MAGI2: variants seen among roughly 807,000 people sequenced by gnomAD.
The protein encoded by MAGI2 is membrane-associated guanylate kinase, WW and PDZ domain-containing protein 2.
Under a neutral mutation model 133.3 loss-of-function variants are expected in MAGI2, and 35 were observed. That is an observed-to-expected ratio of 0.26 (90% CI 0.20 to 0.35). MAGI2 has a LOEUF of 0.35. MAGI2 is among the 10% of genes least tolerant of loss of function. MAGI2 has a pLI of 1.00. For synonymous variants in MAGI2, 729 were observed against 710.6 expected (o/e 1.03, Z -0.41); for missense variants, 1,636 against 1,863.4 (o/e 0.88, Z 2.25).
At chr7:78,588,501 C>T (rs904514002) in intron 3 of MAGI2, among the ~76,000 whole-genome samples, 1 of 152,266 alleles carries the variant, frequency 6.6e-6, no homozygotes, top group Middle Eastern at 3.4e-3. Context: ...AGAAACCAGG[C>T]AACCTTCCGA....
At chr7:79,033,470 T>C (rs968658892) in intron 1 of MAGI2, among the ~76,000 whole-genome samples, 9 of 147,816 alleles carry the variant, frequency 6.1e-5, no homozygotes, top group Non-Finnish European at 1.3e-4. Context: ...TCTATGTCTG[T>C]GTAAGATGTG....
Position 78,824,540 on chromosome 7 carries a change from T to G in MAGI2, c.418+182550A>C, listed in dbSNP as rs182101044. On this transcript the variant is annotated intron_variant, in intron 2 of 21. Coordinates refer to ENST00000354212, the MANE Select transcript of MAGI2 (RefSeq NM_012301.4). Reference sequence around the variant, plus strand: ...CTCTGATGATCAGAGATGATGAGCTTTTTTTCATGTTTGTTGGCTGCATAA... The same window carrying G: ...CTCTGATGATCAGAGATGATGAGCTGTTTTTCATGTTTGTTGGCTGCATAA... Among the ~76,000 whole-genome samples, 24 of 152,358 alleles carry G rather than the reference T, an allele frequency of 1.6e-4. No homozygotes were observed. The East Asian group carries it at 4.6e-3, about 29-fold the overall frequency.
chr7:79,129,025 C>T (rs1562921798), intron 1 of MAGI2, among the ~76,000 whole-genome samples: 1 of 152,088 alleles, frequency 6.6e-6, no homozygotes, highest in Non-Finnish European at 1.5e-5. Flanking sequence ...CAGGCACCAC[C>T]ACGCTCAGCT....
At chr7:79,207,394 T>G (rs1829143797) in intron 1 of MAGI2, among the ~76,000 whole-genome samples, 1 of 151,962 alleles carries the variant, frequency 6.6e-6, no homozygotes, top group South Asian at 2.1e-4. Context: ...TATTAATATT[T>G]AAAAATCAGT....
At chr7:78,364,073 C>A (rs1277013613) in intron 7 of MAGI2, among the ~76,000 whole-genome samples, 11 of 152,060 alleles carry the variant, frequency 7.2e-5, no homozygotes, top group African/African-American at 2.7e-4. Context: ...TACTCAAGAT[C>A]TCACAGCTGG....
chr7:78,961,956 C>G (rs1333019827), intron 2 of MAGI2, among the ~76,000 whole-genome samples: 1 of 151,744 alleles, frequency 6.6e-6, no homozygotes, highest in Non-Finnish European at 1.5e-5. Flanking sequence ...TAAACTTATA[C>G]AGTATGTTAC....
At chr7:79,143,392 T>G (rs1041020096) in intron 1 of MAGI2, among the ~76,000 whole-genome samples, 1 of 152,358 alleles carries the variant, frequency 6.6e-6, no homozygotes. Context: ...AAACACAGGT[T>G]TGTTGTAACA....
At chr7:78,411,413 T>A (rs1797862258) in intron 6 of MAGI2, among the ~76,000 whole-genome samples, 1 of 152,052 alleles carries the variant, frequency 6.6e-6, no homozygotes, top group Admixed American at 6.6e-5. Flanking sequence ...AATGCAAGAA[T>A]AAACTTTTCT....
intron 2 of MAGI2, among the ~76,000 whole-genome samples, chr7:78,724,621 GAAGA>G (rs1019749361): frequency 1.3e-5 from 2 of 152,184 alleles, no homozygotes; most frequent in African/African-American, 4.8e-5. Context: ...GGAGGAAGGA[GAAGA>G]AAGGTTGCCT....
chr7:78,735,646 T>G (rs1435675087), intron 2 of MAGI2, among the ~76,000 whole-genome samples: 2 of 152,200 alleles, frequency 1.3e-5, no homozygotes, highest in Non-Finnish European at 2.9e-5. Context: ...GATGAGTGCC[T>G]TTGTGTGTTA....
chr7:79,363,136 C>T (rs1470007770), intron 1 of MAGI2, among the ~76,000 whole-genome samples: 1 of 151,536 alleles, frequency 6.6e-6, no homozygotes, highest in African/African-American at 2.4e-5. Context: ...AAATCAATCA[C>T]ATTTCTACAT....
chr7:78,463,138 G>C (rs535086328), intron 6 of MAGI2, among the ~76,000 whole-genome samples: 12 of 152,230 alleles, frequency 7.9e-5, no homozygotes, highest in Non-Finnish European at 1.6e-4. Context: ...CCTGGTGCCT[G>C]TGGTGTGCTC....
At chr7:79,035,465 A>G (rs7787164) in intron 1 of MAGI2, among the ~76,000 whole-genome samples, 23,780 of 152,134 alleles carry the variant, frequency 0.16, 3,294 homozygotes, top group African/African-American at 0.38. Flanking sequence ...ACATGACAAC[A>G]CTACCCTGTT....
intron 1 of MAGI2, among the ~76,000 whole-genome samples, chr7:79,130,709 T>G (rs1396295664): frequency 1.3e-5 from 2 of 152,204 alleles, no homozygotes; most frequent in African/African-American, 2.4e-5. Flanking sequence ...TTGTTAACTA[T>G]TATTATTAAC....
At chr7:78,664,557 T>C (rs1468573157) in intron 2 of MAGI2, among the ~76,000 whole-genome samples, 1 of 152,048 alleles carries the variant, frequency 6.6e-6, no homozygotes, top group African/African-American at 2.4e-5. Context: ...TTTCTACTTT[T>C]GAATAATTTT....
intron 6 of MAGI2, among the ~76,000 whole-genome samples, chr7:78,387,779 A>T (rs1795521717): frequency 6.6e-6 from 1 of 151,882 alleles, no homozygotes; most frequent in Non-Finnish European, 1.5e-5. Context: ...ATACAAAATT[A>T]ATTAGGTGTG....
intron 3 of MAGI2, among the ~76,000 whole-genome samples, chr7:78,557,233 C>T (rs1465222275): frequency 2.6e-5 from 4 of 152,004 alleles, no homozygotes; most frequent in African/African-American, 4.8e-5. Flanking sequence ...TACTGAATTG[C>T]CAATTTCTGC....
intron 7 of MAGI2, among the ~76,000 whole-genome samples, chr7:78,355,514 T>C (rs960193745): frequency 3.9e-5 from 6 of 152,128 alleles, no homozygotes; most frequent in African/African-American, 1.4e-4. Flanking sequence ...CTCAGTGAAA[T>C]AGGTTGCATG....
intron 2 of MAGI2, among the ~76,000 whole-genome samples, chr7:78,863,887 A>G (rs1205465726): frequency 6.6e-6 from 1 of 152,214 alleles, no homozygotes; most frequent in East Asian, 1.9e-4. Flanking sequence ...TTTCTAAGAC[A>G]GCAGAATTTT....
Sources: gnomAD v4.1 joint callset for allele counts (sites outside exome capture counted in the v4.1 genomes callset) on GRCh38, gnomAD v4.1.1 for gene constraint, MANE v1.5 for transcripts, NCBI Gene and HGNC (gene_info 2026-07-23, HGNC 2026-07-21) for gene names.